Variants in ZCWPW2 observed in about 807,000 individuals in gnomAD.
The protein encoded by ZCWPW2 is zinc finger CW-type and PWWP domain containing 2, also known as zinc finger CW-type PWWP domain protein 2.
In ZCWPW2, 45 loss-of-function variants were observed where a neutral mutation model predicts 46.6. The ratio of observed to expected loss-of-function variants is 0.96; its 90% CI spans 0.76 to 1.24. The LOEUF is 1.24. Among genes scored for constraint, ZCWPW2 ranks in the 50% most tolerant of loss-of-function variants. The probability of loss-of-function intolerance (pLI) is 0.00; values close to 1 mark genes in which losing one functional copy is unlikely to be tolerated. For missense variants in ZCWPW2, 429 were observed against 403.9 expected, an observed-to-expected ratio of 1.06 and a Z score of -0.53; for synonymous variants, 152 against 137.1, an observed-to-expected ratio of 1.11 and a Z score of -0.76.
In ZCWPW2 at chr3:28,413,325, A is replaced by G. The variant is rs143762307; in HGVS notation, c.257A>G (p.Gln86Arg). Residue 86 changes from glutamine to arginine, a missense_variant, in exon 3 of 10, where the codon CAG becomes CGG. Physicochemically the swap from Gln to Arg is conservative, Grantham distance 43 (BLOSUM62 1). Coordinates refer to ENST00000383768, the MANE Select transcript of ZCWPW2 (RefSeq NM_001040432.4). ...EDFPEESQLH[Q>R]CGFKIVYSQL... ...TTCCCTGAAGAGTCTCAGCTTCATC[A>G]GTGTGGATTTAAGATTGTCTATTCA... 20 of 1,613,214 alleles carry G rather than the reference A, an allele frequency of 1.2e-5. No individual in the cohort carries two copies. The African/African-American group carries it at 2.1e-4, about 17-fold the overall frequency.
intron 2 of ZCWPW2, among the ~76,000 whole-genome samples, chr3:28,400,279 AG>A (rs967041351): frequency 6.6e-6 from 1 of 152,102 alleles, no homozygotes; most frequent in African/African-American, 2.4e-5. Flanking sequence ...AGCCCAAAGA[AG>A]TCTGGGATTA....
chr3:28,431,788 G>A (rs6790848), intron 3 of ZCWPW2, among the ~76,000 whole-genome samples: 149 of 152,308 alleles, frequency 9.8e-4, no homozygotes, highest in Non-Finnish European at 1.3e-3. Context: ...CTTGGTGCCT[G>A]TATTAGTTTG....
At chr3:28,378,157 T>G (rs1470574380) in intron 1 of ZCWPW2, among the ~76,000 whole-genome samples, 2 of 152,040 alleles carry the variant, frequency 1.3e-5, no homozygotes, top group South Asian at 2.1e-4. Flanking sequence ...TAATAAATTT[T>G]TGTAGGATCA....
rs60041322 is a variant in ZCWPW2, at chr3:28,381,050, G to GTATA, written c.-133-9421_-133-9418dup. The stretch of plus-strand genomic sequence containing the variant: ...GTATATATATATATATATATTTGGT[G>GTATA]TATATATATATATATATATATATAT... On this transcript the variant is annotated intron_variant, in intron 1 of 9. Coordinates refer to ENST00000383768, the MANE Select transcript of ZCWPW2 (RefSeq NM_001040432.4). Among the ~76,000 whole-genome samples the GTATA allele has an allele frequency of 9.1e-3, 110 of 12,104 alleles. 12 individuals carry two copies. Among genetic ancestry groups the GTATA allele is most frequent in the East Asian group, 0.047 (9 of 190 alleles). 7.9% of individuals were successfully genotyped at this position (12,104 alleles called of 152,430 possible).
intron 5 of ZCWPW2, among the ~76,000 whole-genome samples, chr3:28,479,399 G>A (rs1331366886): frequency 6.6e-6 from 1 of 152,078 alleles, no homozygotes; most frequent in Non-Finnish European, 1.5e-5. Context: ...AAAACTAGGT[G>A]AAAAATTGTG....
At chr3:28,386,508 A>T (rs888198796) in intron 1 of ZCWPW2, among the ~76,000 whole-genome samples, 2 of 152,142 alleles carry the variant, frequency 1.3e-5, no homozygotes, top group Non-Finnish European at 2.9e-5. Flanking sequence ...CATTTCTCTT[A>T]TACATCATTT....
chr3:28,363,896 A>G (rs1705028767), intron 1 of ZCWPW2, among the ~76,000 whole-genome samples: 1 of 152,160 alleles, frequency 6.6e-6, no homozygotes. Context: ...GGTGGTGGAC[A>G]TTCCCTCCTT....
chr3:28,448,784 C>CAAAAAAAAAAAAAAAA (rs576935771), intron 4 of ZCWPW2, among the ~76,000 whole-genome samples: 6 of 65,334 alleles, frequency 9.2e-5, no homozygotes, highest in Non-Finnish European at 1.4e-4. Context: ...GACTCTGTCT[C>CAAAAAAAAAAAAAAAA]AAAAAAAAAA....
chr3:28,398,963 C>A (rs780874182), intron 2 of ZCWPW2, among the ~76,000 whole-genome samples: 47 of 152,168 alleles, frequency 3.1e-4, no homozygotes, highest in Admixed American at 1.2e-3. Context: ...GGGCATGAAT[C>A]CAGTGTGCAG....
chr3:28,483,885 A>G (rs553652930), intron 5 of ZCWPW2, among the ~76,000 whole-genome samples: 1 of 152,046 alleles, frequency 6.6e-6, no homozygotes, highest in East Asian at 1.9e-4. Context: ...TTTTTGGTCT[A>G]TTCTTTTGGA....
At chr3:28,378,469 G>A (rs1318053508) in intron 1 of ZCWPW2, among the ~76,000 whole-genome samples, 1 of 152,016 alleles carries the variant, frequency 6.6e-6, no homozygotes, top group Non-Finnish European at 1.5e-5. Context: ...CCCAGATACT[G>A]AAATGGGTTT....
In ZCWPW2 at chr3:28,524,554, G is replaced by T. The variant is rs1339869080; in HGVS notation, c.937G>T (p.Ala313Ser). 1.9e-6 allele frequency: 3 copies of T among 1,605,392 alleles called. No individual in the cohort carries two copies. The highest frequency in any genetic ancestry group is 1.7e-5 in the Admixed American group (1 of 58,324). The change falls in exon 10 of 10, where the codon GCA (alanine) becomes TCA (serine). Residue 313 changes from alanine (A) to serine (S), a missense_variant. Ala to Ser is a moderately conservative substitution (Grantham distance 99). Coordinates refer to ENST00000383768, the MANE Select transcript of ZCWPW2 (RefSeq NM_001040432.4). ...KLSKCSPEAP[A>S]GSLFENHYEE... is the part of the protein sequence containing the mutation. The stretch of plus-strand genomic sequence containing the variant: ...ATCTAAATGCAGCCCAGAAGCTCCT[G>T]CAGGCAGTCTGTTTGAAAACCACTA...
chr3:28,444,936 G>A (rs1697925751), intron 4 of ZCWPW2, among the ~76,000 whole-genome samples: 1 of 152,046 alleles, frequency 6.6e-6, no homozygotes, highest in Non-Finnish European at 1.5e-5. Flanking sequence ...GCTGTCTAAA[G>A]TGTTCACACC....
chr3:28,498,812 C>G lies in ZCWPW2; in HGVS notation c.657+6639C>G, dbSNP rs10460986. On this transcript the variant is annotated intron_variant, in intron 6 of 9. Transcript: ENST00000383768. Reference sequence around the variant, plus strand: ...TATCCCTCCCCTAGCCAGCCACCCCCCAACAGGCCTCAGTGTGTGATGTTC... The same window carrying G: ...TATCCCTCCCCTAGCCAGCCACCCCGCAACAGGCCTCAGTGTGTGATGTTC... 1.0e-2 allele frequency among the ~76,000 whole-genome samples: 1,517 copies of G among 151,874 alleles called. 21 individuals are homozygous for G. The highest frequency in any genetic ancestry group is 0.056 in the South Asian group (267 of 4,800).
intron 1 of ZCWPW2, among the ~76,000 whole-genome samples, chr3:28,369,137 CTG>C (rs1705223571): frequency 6.6e-6 from 1 of 152,128 alleles, no homozygotes; most frequent in Admixed American, 6.6e-5. Flanking sequence ...GTTTGATCAT[CTG>C]AAGTCTTCTT....
At chr3:28,420,813 G>A (rs1456406590) in intron 3 of ZCWPW2, among the ~76,000 whole-genome samples, 1 of 151,656 alleles carries the variant, frequency 6.6e-6, no homozygotes, top group East Asian at 1.9e-4. Flanking sequence ...AAGGCAAGAG[G>A]GAGTAATAAC....
At chr3:28,439,080 TATATATACAC>T (rs200471850) in intron 4 of ZCWPW2, among the ~76,000 whole-genome samples, 3,176 of 145,610 alleles carry the variant, frequency 0.022, 104 homozygotes, top group African/African-American at 0.066. Context: ...TGTATACACA[TATATATACAC>T]ATATATACAC....
At chr3:28,350,198 G>GT (rs1704489555) in intron 1 of ZCWPW2, among the ~76,000 whole-genome samples, 1 of 152,162 alleles carries the variant, frequency 6.6e-6, no homozygotes, top group South Asian at 2.1e-4. Context: ...TTAGGTGTAT[G>GT]TTTTTACAAG....
chr3:28,466,344 T>C (rs1216143311), intron 4 of ZCWPW2, among the ~76,000 whole-genome samples: 1 of 151,904 alleles, frequency 6.6e-6, no homozygotes, highest in Admixed American at 6.6e-5. Flanking sequence ...AAATAAAAGT[T>C]GGAAGGAAAA....
Sources: gnomAD v4.1 joint callset for allele counts (sites outside exome capture counted in the v4.1 genomes callset) on GRCh38, gnomAD v4.1.1 for gene constraint, MANE v1.5 for transcripts, NCBI Gene and HGNC (gene_info 2026-07-23, HGNC 2026-07-21) for gene names.